The following ARFGAP3 variants were observed in gnomAD, a reference collection of about 807,000 sequenced individuals.
ARFGAP3 encodes ADP-ribosylation factor GTPase-activating protein 3.
A neutral mutation model predicts 75.0 loss-of-function variants in ARFGAP3; 72 were observed. The observed-to-expected ratio is 0.96, with a 90% confidence interval of 0.79 to 1.17. ARFGAP3 has a LOEUF of 1.17. Ranked by LOEUF, ARFGAP3 falls within the 50% of genes most tolerant of loss-of-function variation. ARFGAP3 has a pLI of 0.00. For missense variants in ARFGAP3, 620 were observed against 626.6 expected (o/e 0.99, Z 0.11); for synonymous variants, 221 against 217.9 (o/e 1.01, Z -0.13).
At chr22:42,824,670 A>AC (rs1925962150) in intron 7 of ARFGAP3, among the ~76,000 whole-genome samples, 1 of 151,936 alleles carries the variant, frequency 6.6e-6, no homozygotes, top group Non-Finnish European at 1.5e-5. Context: ...CAGCCCAAAA[A>AC]CTTTAAAAAT....
chr22:42,835,226 A>G (rs542941095), intron 4 of ARFGAP3, 136 bp downstream of exon 4: 3 of 959,620 alleles, frequency 3.1e-6, no homozygotes, highest in Non-Finnish European at 3.0e-6. Context: ...AACTACTTCA[A>G]TAGTAAGAAT....
At chr22:42,829,947 A>G (rs1355941681) in intron 6 of ARFGAP3, among the ~76,000 whole-genome samples, 1 of 152,232 alleles carries the variant, frequency 6.6e-6, no homozygotes, top group Admixed American at 6.5e-5. Context: ...AATTCCATTC[A>G]TCAAATAACC....
At chr22:42,806,944 T>G (rs1925149569) in intron 14 of ARFGAP3, 129 bp downstream of exon 14, 9 of 942,092 alleles carry the variant, frequency 9.6e-6, no homozygotes, top group Admixed American at 3.3e-5. Flanking sequence ...TCTACCTGAC[T>G]TATAGCAGAG....
intron 1 of ARFGAP3, among the ~76,000 whole-genome samples, chr22:42,848,094 C>T (rs1488256933): frequency 6.6e-6 from 1 of 151,902 alleles, no homozygotes; most frequent in Non-Finnish European, 1.5e-5. Context: ...GAATTCCTGA[C>T]CTCAGGTGAT....
chr22:42,808,786 C>T lies in ARFGAP3; in HGVS notation c.1301G>A (p.Gly434Glu), dbSNP rs1289243297. 1 of 1,612,268 alleles carries T rather than the reference C, an allele frequency of 6.2e-7. No individual in the cohort carries two copies. The highest frequency in any genetic ancestry group is 1.7e-5 in the Admixed American group (1 of 59,824). Residue 434 changes from glycine (G) to glutamate (E), a missense_variant, in exon 13 of 16, where the codon GGA becomes GAA. By Grantham distance (98) the Gly-to-Glu change is moderately conservative. Coordinates refer to ENST00000263245, the MANE Select transcript of ARFGAP3 (RefSeq NM_014570.5). ...VKAISSDMYF[G>E]RQSQADYETR... Reference sequence around the variant, plus strand: ...CCTTACATCAGCCTGGGATTGTCTTCCAAAATACATATCTGATGAAATGGC... The same window carrying T: ...CCTTACATCAGCCTGGGATTGTCTTTCAAAATACATATCTGATGAAATGGC...
intron 9 of ARFGAP3, among the ~76,000 whole-genome samples, chr22:42,818,427 AAT>A (rs1434363945): frequency 2.0e-5 from 3 of 152,214 alleles, no homozygotes; most frequent in Non-Finnish European, 2.9e-5. Flanking sequence ...CTCATCAGCT[AAT>A]AGACTCTTTA....
At chr22:42,831,416 C>G in intron 6 of ARFGAP3, 133 bp downstream of exon 6, 1 of 821,578 alleles carries the variant, frequency 1.2e-6, no homozygotes, top group Non-Finnish European at 1.9e-6. Flanking sequence ...AGGCGATCCC[C>G]CCGCCTCAGC....
chr22:42,828,331 G>GA (rs1926134644), intron 6 of ARFGAP3, among the ~76,000 whole-genome samples: 1 of 151,994 alleles, frequency 6.6e-6, no homozygotes, highest in South Asian at 2.1e-4. Context: ...GGCCAAGGGG[G>GA]ACGCATCATG....
intron 11 of ARFGAP3, among the ~76,000 whole-genome samples, chr22:42,816,838 C>T (rs902753659): frequency 1.3e-5 from 2 of 152,236 alleles, no homozygotes; most frequent in Non-Finnish European, 2.9e-5. Context: ...CTAAACAACA[C>T]ATACCTTCAG....
chr22:42,825,350 T>C (rs1407890148), intron 7 of ARFGAP3, among the ~76,000 whole-genome samples: 1 of 152,202 alleles, frequency 6.6e-6, no homozygotes, highest in Non-Finnish European at 1.5e-5. Flanking sequence ...GGCTTATATA[T>C]AGATTTTATC....
chr22:42,854,044 G>C (rs1053088530), intron 1 of ARFGAP3, among the ~76,000 whole-genome samples: 12 of 152,156 alleles, frequency 7.9e-5, no homozygotes, highest in African/African-American at 2.9e-4. Flanking sequence ...CCCACAATGG[G>C]GACTGGATCC....
chr22:42,825,265 T>C (rs1048302777), intron 7 of ARFGAP3, among the ~76,000 whole-genome samples: 24 of 152,098 alleles, frequency 1.6e-4, no homozygotes, highest in Admixed American at 7.9e-4. Context: ...AAAAAAGTAA[T>C]AACAATAATA....
intron 8 of ARFGAP3, among the ~76,000 whole-genome samples, chr22:42,823,188 G>A (rs976416289): frequency 6.6e-6 from 1 of 151,964 alleles, no homozygotes; most frequent in Non-Finnish European, 1.5e-5. Flanking sequence ...TGGATACAGA[G>A]GGCTGAGGAA....
At chr22:42,845,806 G>A (rs187114543) in intron 2 of ARFGAP3, among the ~76,000 whole-genome samples, 6 of 152,142 alleles carry the variant, frequency 3.9e-5, no homozygotes, top group Admixed American at 2.0e-4. Flanking sequence ...TTGGGAGGAC[G>A]AGGGGGGTGG....
chr22:42,848,458 T>C (rs1300662205), intron 1 of ARFGAP3, among the ~76,000 whole-genome samples: 1 of 152,228 alleles, frequency 6.6e-6, no homozygotes, highest in Non-Finnish European at 1.5e-5. Context: ...TCCACCCGCC[T>C]TGGACTCCCA....
chr22:42,823,713 A>G lies in ARFGAP3; in HGVS notation c.626-11T>C, dbSNP rs752391025. The stretch of plus-strand genomic sequence containing the variant: ...TGATAGAGGATACCTCTGCCAAAAA[A>G]TAAAAATTAAAAAGTAAGACCAATA... On this transcript the variant is annotated splice_polypyrimidine_tract_variant and intron_variant, in intron 7 of 15. Transcript: ENST00000263245. 27 of 1,545,092 alleles carry G rather than the reference A, an allele frequency of 1.7e-5. No homozygotes were observed. The highest frequency in any genetic ancestry group is 2.3e-5 in the Non-Finnish European group (26 of 1,145,100).
chr22:42,835,529 A>G (rs1193514979), intron 3 of ARFGAP3, 36 bp from the exon 4 acceptor site: 3 of 1,609,590 alleles, frequency 1.9e-6, no homozygotes, highest in Admixed American at 3.3e-5. Flanking sequence ...TATTTTCGTA[A>G]AACTACGTAT....
chr22:42,843,806 G>A lies in ARFGAP3; in HGVS notation c.189-2790C>T, dbSNP rs570057843. ...GAGAAAAAACAGAGCTAGAGGGGAG[G>A]AGCAGCCTGAAACATGGAGATCCCA... On this transcript the variant is annotated intron_variant, in intron 2 of 15. Coordinates refer to ENST00000263245, the MANE Select transcript of ARFGAP3 (RefSeq NM_014570.5). Among the ~76,000 whole-genome samples, 134 of 152,200 alleles carry A rather than the reference G, an allele frequency of 8.8e-4. 1 individual carries two copies. The highest frequency in any genetic ancestry group is 3.4e-3 in the Middle Eastern group (1 of 294).
At chr22:42,820,408 C>G (rs1678460203) in intron 9 of ARFGAP3, among the ~76,000 whole-genome samples, 1 of 152,162 alleles carries the variant, frequency 6.6e-6, no homozygotes, top group Non-Finnish European at 1.5e-5. Context: ...AAACAACTAT[C>G]AACTTCAAAT....
Sources: allele counts gnomAD v4.1 joint callset (sites outside exome capture counted in the v4.1 genomes callset), GRCh38; gene constraint gnomAD v4.1.1; transcripts MANE v1.5; gene names NCBI Gene and HGNC (gene_info 2026-07-23, HGNC 2026-07-21).